The following RAB34 variants were observed in gnomAD, a reference collection of about 807,000 sequenced individuals.
RAB34 encodes the protein RAB34, member RAS oncogene family.
A neutral mutation model predicts 39.0 loss-of-function variants in RAB34; 33 were observed. That is an observed-to-expected ratio of 0.85 (90% CI 0.64 to 1.13). The LOEUF (loss-of-function observed/expected upper bound fraction) is 1.13, where lower values mean the gene tolerates loss of function less well. RAB34 is among the 50% of genes most tolerant of loss of function. The pLI is 0.00. For synonymous variants in RAB34, 135 were observed against 125.1 expected (o/e 1.08, Z -0.53); for missense variants, 289 against 326.1 (o/e 0.89, Z 0.88).
In RAB34 at chr17:28,714,880, A is replaced by G. The variant is rs1371065836; in HGVS notation, c.625T>C (p.Phe209Leu). The change falls in exon 9 of 10, where the codon TTC (phenylalanine) becomes CTC (leucine). Residue 209 changes from phenylalanine to leucine, a missense_variant. By Grantham distance (22) the Phe-to-Leu change is conservative. Transcript: ENST00000395245. Reference protein sequence around the residue: ...SLTGENVREFFFRVAALTFEA... With the variant: ...SLTGENVREFLFRVAALTFEA... Reference sequence around the variant, plus strand: ...AAGGTCAGTGCTGCCACACGGAAGAAGAATTCTCGGACATTCTCACCTGAC... The same window carrying G: ...AAGGTCAGTGCTGCCACACGGAAGAGGAATTCTCGGACATTCTCACCTGAC... 6.2e-7 allele frequency: 1 copy of G among 1,614,122 alleles called. No individual in the cohort carries two copies. The highest frequency in any genetic ancestry group is 2.2e-5 in the East Asian group (1 of 44,882).
upstream of RAB34, chr17:28,718,280 CT>C: frequency 6.5e-7 from 1 of 1,536,092 alleles, no homozygotes; most frequent in Non-Finnish European, 8.8e-7. Context: ...AGTCTGCCCC[CT>C]CTCGCCCTTC....
chr17:28,717,248 CG>C lies in RAB34; in HGVS notation c.18del (p.Val7CysfsTer14), dbSNP rs1283857214. 11 of 1,606,200 alleles carry C rather than the reference CG, an allele frequency of 6.8e-6. No individual in the cohort carries two copies. Among genetic ancestry groups the C allele is most frequent in the Non-Finnish European group, 9.3e-6 (11 of 1,178,640 alleles). On this transcript the variant is annotated frameshift_variant, in exon 1 of 10. Coordinates refer to ENST00000395245, the MANE Select transcript of RAB34 (RefSeq NM_031934.6). LOFTEE classifies it high-confidence loss of function. ...TCCGCCAGGACGCGATCCCTCCGCA[CG>C]GGTGCCAGAATGTTCATCCTGCCTG... MNILA[P>X]VRRDRVLAEL...
Position 28,714,425 on chromosome 17 carries a change from C to A in RAB34, c.*218G>T. On this transcript the variant is annotated 3_prime_UTR_variant, in exon 10 of 10. Transcript: ENST00000395245. ...ACTACCACTGGGCGCCCTGGACAGT[C>A]CCCTGAGGAGTAGGGGGCATCCAGT... is the stretch of plus-strand genomic sequence containing the variant. 1 of 915,052 alleles carries A rather than the reference C, an allele frequency of 1.1e-6. No homozygotes were observed. Among genetic ancestry groups the A allele is most frequent in the South Asian group, 1.5e-5 (1 of 66,908 alleles). 56.7% of individuals were successfully genotyped at this position (915,052 alleles called of 1,614,324 possible).
chr17:28,717,846 C>A lies in RAB34; in HGVS notation c.-580G>T. On this transcript the variant is annotated 5_prime_UTR_variant, in exon 1 of 10. Transcript: ENST00000395245. ...GGCTACAGGGCCTCGAGTCCCACTC[C>A]GCTCGGGCTCCGCCAACGCTGTAAC... 1 of 1,347,338 alleles carries A rather than the reference C, an allele frequency of 7.4e-7. No individual in the cohort carries two copies. Among genetic ancestry groups the A allele is most frequent in the Non-Finnish European group, 9.5e-7 (1 of 1,057,064 alleles). 83.5% of individuals were successfully genotyped at this position (1,347,338 alleles called of 1,614,324 possible).
chr17:28,716,188 C>G, intron 2 of RAB34, 130 bp from the exon 3 acceptor site: 2 of 1,304,382 alleles, frequency 1.5e-6, no homozygotes, highest in Non-Finnish European at 2.1e-6. Flanking sequence ...CCAGGCATCC[C>G]AGGCAGCTGC....
Position 28,717,428 on chromosome 17 carries a change from A to G in RAB34, c.-162T>C. ...GGGAGTCCGCGGTCTCGGAGACGCT[A>G]CGACCACCGCGGGCCACGGAGATGA... On this transcript the variant is annotated 5_prime_UTR_variant, in exon 1 of 10. Coordinates refer to ENST00000395245, the MANE Select transcript of RAB34 (RefSeq NM_031934.6). 1 of 1,492,112 alleles carries G rather than the reference A, an allele frequency of 6.7e-7. No homozygotes were observed. The highest frequency in any genetic ancestry group is 1.2e-5 in the South Asian group (1 of 81,476). The allele number at this position is 1,492,112 out of a possible 1,614,324, so 92.4% of individuals were successfully genotyped here.
chr17:28,716,829 T>A, intron 2 of RAB34, 74 bp downstream of exon 2: 1 of 1,517,166 alleles, frequency 6.6e-7, no homozygotes, highest in Non-Finnish European at 8.9e-7. Context: ...CCCAAGGGGG[T>A]GGTTGTTTAC....
At chr17:28,714,940 G>A (rs1381863837) in intron 8 of RAB34, 40 bp from the exon 9 acceptor site, 2 of 1,599,934 alleles carry the variant, frequency 1.3e-6, no homozygotes, top group Non-Finnish European at 8.6e-7. Context: ...GGCAGTGCTG[G>A]GTCTGGGGAC....
Position 28,717,719 on chromosome 17 carries a change from CCCGGGGGCGCGGAGCGGCCCCGCCA to C in RAB34, c.-478_-454del. On this transcript the variant is annotated 5_prime_UTR_variant, in exon 1 of 10. Coordinates refer to ENST00000395245, the MANE Select transcript of RAB34 (RefSeq NM_031934.6). Reference sequence around the variant, plus strand: ...AGGCTGCCCTACCATTACAGAGCGGCCCGGGGGCGCGGAGCGGCCCCGCCACACGGGGTCAGTGTGGGCAGGGGCG... The same window carrying C: ...AGGCTGCCCTACCATTACAGAGCGGCCACGGGGTCAGTGTGGGCAGGGGCG... 7.5e-7 allele frequency: 1 copy of C among 1,328,664 alleles called. No individual in the cohort carries two copies. Among genetic ancestry groups the C allele is most frequent in the East Asian group, 3.1e-5 (1 of 32,720 alleles). 82.3% of individuals were successfully genotyped at this position (1,328,664 alleles called of 1,614,324 possible). A position where few individuals can be genotyped will look rare whatever the true frequency, so the allele number is the denominator to read the frequency against.
At chr17:28,718,342 G>A, upstream of RAB34, 1 of 1,321,712 alleles carries the variant, frequency 7.6e-7, no homozygotes, top group Non-Finnish European at 1.0e-6. Context: ...GTGCGAAGGG[G>A]GTGCCAGGGT....
At chr17:28,718,075 C>A, upstream of RAB34, 3 of 1,553,170 alleles carry the variant, frequency 1.9e-6, no homozygotes, top group Non-Finnish European at 2.6e-6. Context: ...CCAGGCTGCT[C>A]TCCCCTGCAC....
intron 2 of RAB34, 121 bp downstream of exon 2, chr17:28,716,782 G>A: frequency 1.7e-6 from 2 of 1,172,250 alleles, no homozygotes. Flanking sequence ...TAAAGAGGGG[G>A]AAATAACCAT....
At position 28,715,175 on chromosome 17, in the gene RAB34, C is replaced by A; in HGVS notation, c.513+20G>T. On this transcript the variant is annotated intron_variant, in intron 7 of 9. Transcript: ENST00000395245. Reference sequence around the variant, plus strand: ...GCATTCCCTCACCAAGCTGGGAAGTCCCCCCACTGGCACACTCACACTCAG... The same window carrying A: ...GCATTCCCTCACCAAGCTGGGAAGTACCCCCACTGGCACACTCACACTCAG... 6.2e-7 allele frequency: 1 copy of A among 1,613,420 alleles called. No homozygotes were observed. The highest frequency in any genetic ancestry group is 1.1e-5 in the South Asian group (1 of 91,064).
At position 28,714,549 on chromosome 17, in the gene RAB34, A is replaced by G. The variant is rs1416202257; in HGVS notation, c.*94T>C. On this transcript the variant is annotated 3_prime_UTR_variant, in exon 10 of 10. Coordinates refer to ENST00000395245, the MANE Select transcript of RAB34 (RefSeq NM_031934.6). ...AAGAGGCAGCTCTTTGGTCTGGATA[A>G]AGTCAGTGCAAATGTCCAGGGGTCA... The G allele has an allele frequency of 6.2e-7, 1 of 1,612,382 alleles. No individual in the cohort carries two copies. The highest frequency in any genetic ancestry group is 2.2e-5 in the East Asian group (1 of 44,880).
chr17:28,716,437 C>A, intron 2 of RAB34: 1 of 285,010 alleles, frequency 3.5e-6, no homozygotes, highest in Non-Finnish European at 6.6e-6. Context: ...ATTTTAATGT[C>A]TGAAATCAGG....
chr17:28,718,273 C>G (rs756351598), upstream of RAB34: 9 of 1,541,242 alleles, frequency 5.8e-6, no homozygotes, highest in East Asian at 2.3e-4. Flanking sequence ...CTCATAGAGT[C>G]TGCCCCCTCT....
At position 28,715,143 on chromosome 17, in the gene RAB34, GA is replaced by G. The variant is rs764887131; in HGVS notation, c.514-22del. 4 of 1,613,862 alleles carry G rather than the reference GA, an allele frequency of 2.5e-6. No individual in the cohort carries two copies. The African/African-American group carries it at 5.3e-5, about 22-fold the overall frequency. On this transcript the variant is annotated intron_variant, in intron 7 of 9. Coordinates refer to ENST00000395245, the MANE Select transcript of RAB34 (RefSeq NM_031934.6). ...GGGGTCTGAGGGAAGGCCAGAGTCAGAGGGGGGCATTCCCTCACCAAGCTGG... is the reference window on the plus strand; with the variant it reads ...GGGGTCTGAGGGAAGGCCAGAGTCAGGGGGGGCATTCCCTCACCAAGCTGG...
At chr17:28,718,312 G>A, upstream of RAB34, 1 of 1,492,362 alleles carries the variant, frequency 6.7e-7, no homozygotes, top group African/African-American at 1.4e-5. Flanking sequence ...GGTCGGGGGT[G>A]AGGATGGTGG....
chr17:28,718,119 TA>T, upstream of RAB34: 1 of 1,609,486 alleles, frequency 6.2e-7, no homozygotes, highest in South Asian at 1.1e-5. Flanking sequence ...TGGGGACCCT[TA>T]CCCAGCCGAA....
Sources: allele counts gnomAD v4.1 joint callset, GRCh38; gene constraint gnomAD v4.1.1; transcripts MANE v1.5; gene names NCBI Gene and HGNC (gene_info 2026-07-23, HGNC 2026-07-21).